CUBN: variants seen among roughly 807,000 people sequenced by gnomAD.
CUBN encodes the protein cubilin, also known as 460 kDa receptor.
A neutral mutation model predicts 405.3 loss-of-function variants in CUBN; 282 were observed. That is an observed-to-expected ratio of 0.70 (90% CI 0.63 to 0.77). The LOEUF (loss-of-function observed/expected upper bound fraction) is 0.77. CUBN is among the 30% of genes least tolerant of loss of function. The pLI is 0.00. For missense variants in CUBN, 4,514 were observed against 4,475.2 expected (o/e 1.01, Z -0.25); for synonymous variants, 1,684 against 1,617.0 (o/e 1.04, Z -0.99).
At chr10:17,078,610 T>C (rs141364932) in intron 17 of CUBN, among the ~76,000 whole-genome samples, 206 of 152,260 alleles carry the variant, frequency 1.4e-3, no homozygotes, top group African/African-American at 4.7e-3. Flanking sequence ...ACCCATTCCC[T>C]AGCATGGTGA....
intron 8 of CUBN, 146 bp from the exon 9 acceptor site, chr10:17,111,196 T>C: frequency 1.1e-6 from 1 of 924,902 alleles, no homozygotes; most frequent in South Asian, 1.5e-5. Flanking sequence ...GCAAAAGTTG[T>C]TTTGAATTCT....
chr10:16,839,779 C>T (rs531741111), intron 62 of CUBN, among the ~76,000 whole-genome samples: 11 of 151,690 alleles, frequency 7.3e-5, no homozygotes, highest in Middle Eastern at 6.8e-3. Context: ...ATGTTTATTG[C>T]GGCACTATTC....
rs532256397 is a variant in CUBN at position 17,016,064 on chromosome 10, A to T, written c.4168+3769T>A. On this transcript the variant is annotated intron_variant, in intron 28 of 66. Transcript: ENST00000377833. ...GGCTCGCTTCTGGAGCCCTCTCCTG[A>T]TATCTGCAGCTGATTGGGTAATAAA... Among the ~76,000 whole-genome samples, 3 of 152,286 alleles carry T rather than the reference A, an allele frequency of 2.0e-5. No individual in the cohort carries two copies. The East Asian group carries it at 5.8e-4, about 29-fold the overall frequency.
intron 39 of CUBN, among the ~76,000 whole-genome samples, chr10:16,935,856 G>T (rs1187196120): frequency 1.4e-5 from 2 of 142,836 alleles, no homozygotes; most frequent in Non-Finnish European, 1.5e-5. Context: ...CTCCAGCCTG[G>T]GCGACAGAGC....
intron 54 of CUBN, among the ~76,000 whole-genome samples, chr10:16,898,400 A>G (rs1841256215): frequency 6.6e-6 from 1 of 152,188 alleles, no homozygotes; most frequent in African/African-American, 2.4e-5. Flanking sequence ...TGGAGGGGCT[A>G]ACGTGACCAG....
chr10:16,891,372 C>A (rs1233884524), intron 54 of CUBN, among the ~76,000 whole-genome samples: 1 of 152,058 alleles, frequency 6.6e-6, no homozygotes, highest in Non-Finnish European at 1.5e-5. Context: ...CTTTACCTAA[C>A]TGGGGGAAGT....
chr10:17,011,417 T>G (rs939519109), intron 28 of CUBN, among the ~76,000 whole-genome samples: 2 of 151,970 alleles, frequency 1.3e-5, no homozygotes, highest in Non-Finnish European at 2.9e-5. Context: ...TTAAAGGTAG[T>G]GCGGAGTTAT....
At chr10:16,916,365 A>G (rs1841884855) in intron 45 of CUBN, among the ~76,000 whole-genome samples, 1 of 152,178 alleles carries the variant, frequency 6.6e-6, no homozygotes, top group Non-Finnish European at 1.5e-5. Flanking sequence ...TCATCTCAAG[A>G]ACCAACTGAT....
chr10:17,109,064 T>A (rs551279715), intron 10 of CUBN, among the ~76,000 whole-genome samples: 1 of 152,328 alleles, frequency 6.6e-6, no homozygotes, highest in East Asian at 1.9e-4. Context: ...ATGGAGTAAA[T>A]ATGTATTTTT....
At chr10:17,042,396 T>A (rs1045806571) in intron 26 of CUBN, among the ~76,000 whole-genome samples, 14 of 152,132 alleles carry the variant, frequency 9.2e-5, no homozygotes, top group African/African-American at 2.4e-4. Context: ...CACTCAGACC[T>A]TACACTATTT....
intron 39 of CUBN, among the ~76,000 whole-genome samples, chr10:16,934,607 T>A (rs540318406): frequency 1.3e-5 from 2 of 152,350 alleles, no homozygotes; most frequent in African/African-American, 4.8e-5. Flanking sequence ...GGGTCATTAG[T>A]GCTGTTTGCC....
In CUBN at chr10:16,941,612, G is replaced by A. The variant is rs541966151; in HGVS notation, c.5343-1375C>T. On this transcript the variant is annotated intron_variant, in intron 36 of 66. Transcript: ENST00000377833. ...TAATCTCAGCACTTTGGGAGGCTGA[G>A]GTGGGAGGATCACTTGAACCCAGGA... 3.9e-5 allele frequency among the ~76,000 whole-genome samples: 6 copies of A among 152,286 alleles called. No homozygotes were observed. In the South Asian group the frequency reaches 1.2e-3, roughly 32 times the overall value.
rs1378681221 is a variant in CUBN at position 16,961,789 on chromosome 10, G to A, written c.4696-7241C>T. ...TGCAGTGGCGGGATCTCGACTCACT[G>A]CAACCTCCGCCTCCCGGGTTCACGC... On this transcript the variant is annotated intron_variant, in intron 31 of 66. Transcript: ENST00000377833. 3.1e-5 allele frequency among the ~76,000 whole-genome samples: 4 copies of A among 129,880 alleles called. No homozygotes were observed. The Admixed American group carries it at 3.7e-4, about 12-fold the overall frequency. 85.2% of individuals were successfully genotyped at this position (129,880 alleles called of 152,430 possible). A position where few individuals can be genotyped will look rare whatever the true frequency, so the allele number is the denominator to read the frequency against.
At chr10:16,994,323 A>G (rs893545359) in intron 28 of CUBN, among the ~76,000 whole-genome samples, 1 of 151,234 alleles carries the variant, frequency 6.6e-6, no homozygotes, top group African/African-American at 2.5e-5. Flanking sequence ...TATTGCCCAC[A>G]TGTCTTCTTG....
intron 28 of CUBN, among the ~76,000 whole-genome samples, chr10:17,000,968 A>G (rs531283144): frequency 6.6e-6 from 1 of 152,312 alleles, no homozygotes; most frequent in East Asian, 1.9e-4. Context: ...TACAGTTCTT[A>G]AAGATGGTGT....
intron 20 of CUBN, 152 bp downstream of exon 20, chr10:17,068,453 T>TC: frequency 1.1e-6 from 1 of 923,722 alleles, no homozygotes; most frequent in Non-Finnish European, 1.7e-6. Flanking sequence ...ACTTTTGATA[T>TC]AAATGTTGAT....
intron 14 of CUBN, among the ~76,000 whole-genome samples, chr10:17,096,654 A>T (rs913412059): frequency 6.6e-6 from 1 of 152,084 alleles, no homozygotes; most frequent in Non-Finnish European, 1.5e-5. Context: ...TACCAACTTG[A>T]CTAAGTTAAT....
chr10:16,902,736 G>A (rs1841430258), intron 51 of CUBN, among the ~76,000 whole-genome samples: 1 of 152,154 alleles, frequency 6.6e-6, no homozygotes, highest in African/African-American at 2.4e-5. Flanking sequence ...AAATCTAGAA[G>A]CAGTAAGTGT....
At chr10:17,098,259 C>T (rs796873565) in intron 14 of CUBN, among the ~76,000 whole-genome samples, 7 of 152,236 alleles carry the variant, frequency 4.6e-5, no homozygotes, top group East Asian at 1.9e-4. Flanking sequence ...AGCTGACACC[C>T]GCTTATAACT....
Sources: allele counts gnomAD v4.1 joint callset (sites outside exome capture counted in the v4.1 genomes callset), GRCh38; gene constraint gnomAD v4.1.1; transcripts MANE v1.5; gene names NCBI Gene and HGNC (gene_info 2026-07-23, HGNC 2026-07-21).